Variants in CASZ1 observed in about 807,000 individuals in gnomAD.
CASZ1 encodes castor zinc finger 1.
Under a neutral mutation model 135.2 loss-of-function variants are expected in CASZ1, and 28 were observed. The ratio of observed to expected loss-of-function variants is 0.21; its 90% confidence interval spans 0.15 to 0.28. The LOEUF is 0.28. CASZ1 is among the 10% of genes least tolerant of loss of function. The pLI is 1.00. For synonymous variants in CASZ1, 1,068 were observed against 1,073.4 expected (o/e 0.99, Z 0.10); for missense variants, 2,161 against 2,453.3 (o/e 0.88, Z 2.52).
At chr1:10,668,558 G>A (rs1394656526) in intron 4 of CASZ1, among the ~76,000 whole-genome samples, 1 of 152,246 alleles carries the variant, frequency 6.6e-6, no homozygotes, top group Non-Finnish European at 1.5e-5. Flanking sequence ...AGGTGGGCTG[G>A]GCCGGGGCCT....
rs1268527310 is a variant in CASZ1, at chr1:10,666,964, G to A, written c.17-1393C>T. The stretch of plus-strand genomic sequence containing the variant: ...ACTCACTGTGTACAAAACAAAATGT[G>A]CCTCTCCATGGCCCTCACGGGAGGA... On this transcript the variant is annotated intron_variant, in intron 4 of 20. Coordinates refer to ENST00000377022, the MANE Select transcript of CASZ1 (RefSeq NM_001079843.3). This position sits in a 1 kb window ranked among gnomAD's most constrained non-coding sequence, Gnocchi z 5.2. 6.6e-6 allele frequency among the ~76,000 whole-genome samples: 1 copy of A among 152,228 alleles called. No individual in the cohort carries two copies. The highest frequency in any genetic ancestry group is 1.5e-5 in the Non-Finnish European group (1 of 68,040).
chr1:10,749,361 C>T (rs1640106518), intron 2 of CASZ1, among the ~76,000 whole-genome samples: 1 of 152,072 alleles, frequency 6.6e-6, no homozygotes, highest in Non-Finnish European at 1.5e-5. Flanking sequence ...AATTCTCCTG[C>T]CTCAGCCTCC....
intron 13 of CASZ1, chr1:10,649,836 T>C (rs2124676860): frequency 6.2e-6 from 1 of 160,398 alleles, no homozygotes; most frequent in South Asian, 1.9e-4. Flanking sequence ...TACGAATTCC[T>C]TGAGAACAAG....
intron 2 of CASZ1, among the ~76,000 whole-genome samples, chr1:10,740,199 C>T (rs1368248798): frequency 6.6e-6 from 1 of 152,162 alleles, no homozygotes; most frequent in Non-Finnish European, 1.5e-5. Flanking sequence ...GGCCACTTGC[C>T]CAATGTCTCA....
chr1:10,665,498 C>A lies in CASZ1; in HGVS notation c.90G>T (p.Lys30Asn). The change falls in exon 5 of 21, where the codon AAG becomes AAT. Residue 30 changes from lysine (K) to asparagine (N), a missense_variant. By Grantham distance (94) the Lys-to-Asn change is moderately conservative. Transcript: ENST00000377022. ...TCAGCTTGGCGCAGATGGCGTTCAG[C>A]TTCAGGCCACCCTTGCGTTTGGGCG... ...AMAPKRKGGL[K>N]LNAICAKLSR... 1 of 1,605,322 alleles carries A rather than the reference C, an allele frequency of 6.2e-7. No homozygotes were observed. The highest frequency in any genetic ancestry group is 2.2e-5 in the East Asian group (1 of 44,846).
At chr1:10,682,623 G>C (rs1412972913) in intron 4 of CASZ1, among the ~76,000 whole-genome samples, 2 of 152,236 alleles carry the variant, frequency 1.3e-5, no homozygotes, top group Non-Finnish European at 2.9e-5. Flanking sequence ...GTCACCGCTT[G>C]TCATGTTTAA....
At position 10,653,291 on chromosome 1, in the gene CASZ1, C is replaced by T. The variant is rs536114443; in HGVS notation, c.2680+86G>A. Reference sequence around the variant, plus strand: ...CACACGGACACTTCTTCCAAACACCCCCCGACTCTGCTCTGCAGCCTGAGG... The same window carrying T: ...CACACGGACACTTCTTCCAAACACCTCCCGACTCTGCTCTGCAGCCTGAGG... On this transcript the variant is annotated intron_variant, in intron 11 of 20. Transcript: ENST00000377022. The T allele has an allele frequency of 1.0e-5, 14 of 1,344,578 alleles. No individual in the cohort carries two copies. The African/African-American group carries it at 2.0e-4, about 19-fold the overall frequency. 83.3% of individuals were successfully genotyped at this position (1,344,578 alleles called of 1,614,324 possible).
chr1:10,729,592 G>A (rs1044656292), intron 2 of CASZ1, among the ~76,000 whole-genome samples: 1 of 152,222 alleles, frequency 6.6e-6, no homozygotes, highest in Non-Finnish European at 1.5e-5. Context: ...AGCGTGGTCC[G>A]CAGGCCTCTT....
intron 18 of CASZ1, among the ~76,000 whole-genome samples, chr1:10,644,424 C>G (rs574667562): frequency 6.6e-6 from 1 of 152,314 alleles, no homozygotes; most frequent in South Asian, 2.1e-4. Context: ...ACTGTCACCA[C>G]CCCCACCCCT....
At chr1:10,795,280 GGACCCTAAGT>G (rs1641043453) in intron 1 of CASZ1, among the ~76,000 whole-genome samples, 1 of 152,064 alleles carries the variant, frequency 6.6e-6, no homozygotes, top group Admixed American at 6.5e-5. Context: ...CCGTTAAGCC[GGACCCTAAGT>G]GACCGGGAAA....
Position 10,706,732 on chromosome 1 carries a change from C to T in CASZ1, c.-76-1188G>A, listed in dbSNP as rs997418334. 3.9e-4 allele frequency among the ~76,000 whole-genome samples: 59 copies of T among 152,236 alleles called. No homozygotes were observed. Among genetic ancestry groups the T allele is most frequent in the African/African-American group, 1.2e-3 (50 of 41,548 alleles). Reference sequence around the variant, plus strand: ...CCCGGGCAGAGGGTGCCCACTGGGGCGGAGCCTGCCCTGCCAGATACAGGG... The same window carrying T: ...CCCGGGCAGAGGGTGCCCACTGGGGTGGAGCCTGCCCTGCCAGATACAGGG... On this transcript the variant is annotated intron_variant, in intron 2 of 20. Transcript: ENST00000377022. This position sits in a 1 kb window ranked among gnomAD's most constrained non-coding sequence, Gnocchi z 4.3.
Position 10,639,762 on chromosome 1 carries a change from A to G in CASZ1, c.4460T>C (p.Leu1487Pro). 1 of 1,599,120 alleles carries G rather than the reference A, an allele frequency of 6.3e-7. No individual in the cohort carries two copies. The highest frequency in any genetic ancestry group is 1.7e-4 in the Middle Eastern group (1 of 5,872). ...GAAGCGCTTGAAGTCGTCCAGCACCAGGTTGTCCACGCGGTCGTGGTGCTG... is the reference window on the plus strand; with the variant it reads ...GAAGCGCTTGAAGTCGTCCAGCACCGGGTTGTCCACGCGGTCGTGGTGCTG... ...HAQHHDRVDN[L>P]VLDDFKRFKA... The change falls in exon 21 of 21, where the codon CTG (leucine) becomes CCG (proline). Residue 1487 changes from leucine to proline, a missense_variant. Transcript: ENST00000377022. The surrounding 1 kb of genome is among the most constrained non-coding windows in gnomAD (Gnocchi z 4.0).
At position 10,662,183 on chromosome 1, in the gene CASZ1, C is replaced by T. The variant is rs892981200; in HGVS notation, c.506-1647G>A. ...CAGTCACAACACACACATGCATTCT[C>T]ATACACTCTCATATCCCCACGCACA... is the stretch of plus-strand genomic sequence containing the variant. On this transcript the variant is annotated intron_variant, in intron 5 of 20. Coordinates refer to ENST00000377022, the MANE Select transcript of CASZ1 (RefSeq NM_001079843.3). Among the ~76,000 whole-genome samples the T allele has an allele frequency of 2.2e-4, 34 of 151,832 alleles. 1 individual carries two copies. Among genetic ancestry groups the T allele is most frequent in the African/African-American group, 8.2e-4 (34 of 41,294 alleles).
Position 10,638,778 on chromosome 1 carries a change from CGGCCGCGGA to C in CASZ1, c.*155_*163del. 1 of 680,990 alleles carries C rather than the reference CGGCCGCGGA, an allele frequency of 1.5e-6. No homozygotes were observed. The highest frequency in any genetic ancestry group is 1.8e-6 in the Non-Finnish European group (1 of 551,974). 42.2% of individuals were successfully genotyped at this position (680,990 alleles called of 1,614,324 possible). Reference sequence around the variant, plus strand: ...GGGCCACCGCCGCCGCCTGTGTCCTCGGCCGCGGAGCACCAGAGGGGTCCCCGCCTCTGT... The same window carrying C: ...GGGCCACCGCCGCCGCCTGTGTCCTCGCACCAGAGGGGTCCCCGCCTCTGT... On this transcript the variant is annotated 3_prime_UTR_variant, in exon 21 of 21. Transcript: ENST00000377022. This position sits in a 1 kb window ranked among gnomAD's most constrained non-coding sequence, Gnocchi z 5.9.
chr1:10,719,566 C>G lies in CASZ1; in HGVS notation c.-76-14022G>C, dbSNP rs1426853069. On this transcript the variant is annotated intron_variant, in intron 2 of 20. Coordinates refer to ENST00000377022, the MANE Select transcript of CASZ1 (RefSeq NM_001079843.3). This position sits in a 1 kb window ranked among gnomAD's most constrained non-coding sequence, Gnocchi z 4.0. ...AGTTTCTAAGGGACACTCAGGTCCA[C>G]CTGGAGCACGAGGAGAGGCTGGCCA... Among the ~76,000 whole-genome samples, 2 of 152,188 alleles carry G rather than the reference C, an allele frequency of 1.3e-5. No homozygotes were observed. Among genetic ancestry groups the G allele is most frequent in the Non-Finnish European group, 2.9e-5 (2 of 68,038 alleles).
At position 10,739,574 on chromosome 1, in the gene CASZ1, G is replaced by T. The variant is rs946715279; in HGVS notation, c.-77+21127C>A. ...ACTCCCCGTTCTCCCAGCCTTGCTG[G>T]CTACTTCCACTCCCCAAAGAGCCTT... On this transcript the variant is annotated intron_variant, in intron 2 of 20. Coordinates refer to ENST00000377022, the MANE Select transcript of CASZ1 (RefSeq NM_001079843.3). The surrounding 1 kb of genome is among the most constrained non-coding windows in gnomAD (Gnocchi z 4.8). Among the ~76,000 whole-genome samples, 2 of 152,104 alleles carry T rather than the reference G, an allele frequency of 1.3e-5. No homozygotes were observed. The highest frequency in any genetic ancestry group is 4.8e-5 in the African/African-American group (2 of 41,424).
Position 10,653,989 on chromosome 1 carries a change from G to A in CASZ1, c.2068C>T (p.Arg690Cys). 1.9e-6 allele frequency: 3 copies of A among 1,614,100 alleles called. No homozygotes were observed. Among genetic ancestry groups the A allele is most frequent in the Non-Finnish European group, 2.5e-6 (3 of 1,179,972 alleles). The change falls in exon 11 of 21, where the codon CGC (arginine) becomes TGC (cysteine). Residue 690 changes from arginine to cysteine, a missense_variant. Arg to Cys is a radical substitution (Grantham distance 180). Coordinates refer to ENST00000377022, the MANE Select transcript of CASZ1 (RefSeq NM_001079843.3). ...TSTSQMTSHK[R>C]KHERRHIRSS... is the part of the protein sequence containing the mutation. ...CGGATGTGCCGGCGCTCATGCTTGC[G>A]CTTGTGAGAGGTCATCTGGCTGGTG...
chr1:10,754,456 C>T (rs1309623476), intron 2 of CASZ1, among the ~76,000 whole-genome samples: 5 of 152,168 alleles, frequency 3.3e-5, no homozygotes, highest in South Asian at 2.1e-4. Flanking sequence ...CCACCTCTTC[C>T]GGCTCTGAAC....
Position 10,699,810 on chromosome 1 carries a change from G to A in CASZ1, c.-24+5682C>T, listed in dbSNP as rs138376215. ...CCCTTGTAGGTTTCTCTTATCAGAA[G>A]CAGCGACGGTTTCACATTAATTTCC... On this transcript the variant is annotated intron_variant, in intron 3 of 20. Transcript: ENST00000377022. This position sits in a 1 kb window ranked among gnomAD's most constrained non-coding sequence, Gnocchi z 4.6. Among the ~76,000 whole-genome samples the A allele has an allele frequency of 9.2e-3, 1,402 of 152,220 alleles. 11 individuals carry two copies. Among genetic ancestry groups the A allele is most frequent in the Non-Finnish European group, 0.013 (882 of 68,020 alleles).
Sources: allele counts gnomAD v4.1 joint callset (sites outside exome capture counted in the v4.1 genomes callset), GRCh38; gene constraint gnomAD v4.1.1; non-coding constraint Gnocchi (gnomAD v3.1); transcripts MANE v1.5; gene names NCBI Gene and HGNC (gene_info 2026-07-23, HGNC 2026-07-21).